STRAP: variants seen among roughly 807,000 people sequenced by gnomAD.
STRAP encodes serine/threonine kinase receptor associated protein, also known as serine-threonine kinase receptor-associated protein.
Under a neutral mutation model 47.0 loss-of-function variants are expected in STRAP, and 16 were observed. The observed-to-expected ratio is 0.34, with a 90% CI of 0.23 to 0.52. STRAP has a LOEUF of 0.52. STRAP is among the 20% of genes least tolerant of loss of function. The pLI, the probability that STRAP is intolerant of heterozygous loss-of-function variation, is 0.96. For missense variants in STRAP, 293 were observed against 420.0 expected (o/e 0.70, Z 2.64); for synonymous variants, 130 against 142.7 (o/e 0.91, Z 0.63).
At chr12:15,900,917 A>G in intron 8 of STRAP, 30 bp from the exon 9 acceptor site, 1 of 1,563,224 alleles carries the variant, frequency 6.4e-7, no homozygotes, top group Non-Finnish European at 8.6e-7. Context: ...AGTGTAAGTC[A>G]TATAATCGTC....
chr12:15,891,876 G>T (rs1197623720), intron 4 of STRAP, among the ~76,000 whole-genome samples: 1 of 152,002 alleles, frequency 6.6e-6, no homozygotes, highest in Non-Finnish European at 1.5e-5. Context: ...AACCCGGGAG[G>T]TAGAGGTTGC....
chr12:15,893,057 C>T (rs1484843714), intron 4 of STRAP, among the ~76,000 whole-genome samples: 1 of 152,158 alleles, frequency 6.6e-6, no homozygotes, highest in African/African-American at 2.4e-5. Flanking sequence ...GTAACATGCC[C>T]AAAGGTGAAA....
intron 9 of STRAP, among the ~76,000 whole-genome samples, chr12:15,901,240 T>C (rs1260727763): frequency 6.6e-6 from 1 of 152,202 alleles, no homozygotes; most frequent in African/African-American, 2.4e-5. Context: ...ACAACCGATG[T>C]GGTTACTCTT....
At chr12:15,895,886 A>G (rs923276018) in intron 6 of STRAP, among the ~76,000 whole-genome samples, 6 of 151,282 alleles carry the variant, frequency 4.0e-5, no homozygotes, top group Non-Finnish European at 8.8e-5. Context: ...AAAAAAAGCA[A>G]AAACTACTGA....
At chr12:15,901,389 G>C (rs1229319362) in intron 9 of STRAP, among the ~76,000 whole-genome samples, 1 of 152,094 alleles carries the variant, frequency 6.6e-6, no homozygotes, top group Non-Finnish European at 1.5e-5. Flanking sequence ...GTCATGAGAG[G>C]GGGTGTTGGT....
chr12:15,890,007 C>A lies in STRAP; in HGVS notation c.328C>A (p.Gln110Lys). ...KHIVKTVDFT[Q>K]DSNYLLTGGQ... ...CATTGTCAAGACTGTGGATTTCACG[C>A]AGGTATCAGAAAATGGAATTTATTT... The change falls in exon 3 of 10, where the codon CAG becomes AAG. Residue 110 changes from glutamine to lysine, a missense_variant and splice_region_variant. By Grantham distance (53) the Gln-to-Lys change is moderately conservative. Around this residue, in one of 5 missense-constraint regions of STRAP, gnomAD observed 152 missense variants for 183.0 expected, o/e 0.83. Coordinates refer to ENST00000419869, the MANE Select transcript of STRAP (RefSeq NM_007178.4). This position sits in a 1 kb window ranked among gnomAD's most constrained non-coding sequence, Gnocchi z 4.5. 1 of 1,613,116 alleles carries A rather than the reference C, an allele frequency of 6.2e-7. No individual in the cohort carries two copies. The highest frequency in any genetic ancestry group is 1.1e-5 in the South Asian group (1 of 91,028).
At position 15,900,064 on chromosome 12, in the gene STRAP, T is replaced by G. The variant is rs1948091068; in HGVS notation, c.925+11T>G. ...AATGTGTGCTTCCTGGTAAGAATTT[T>G]TATTCAGAATAATAAAATTTTTAAA... On this transcript the variant is annotated intron_variant, in intron 8 of 9. Coordinates refer to ENST00000419869, the MANE Select transcript of STRAP (RefSeq NM_007178.4). The G allele has an allele frequency of 1.3e-6, 2 of 1,596,944 alleles. No homozygotes were observed. Among genetic ancestry groups the G allele is most frequent in the Non-Finnish European group, 1.7e-6 (2 of 1,174,562 alleles).
rs546029296 is a variant in STRAP at position 15,893,555 on chromosome 12, ATTATAC to A, written c.404-485_404-480del. ...ATTATACAATAATGCTTTTATATTT[ATTATAC>A]TTATACAATTATACAATAATGCTTT... On this transcript the variant is annotated intron_variant, in intron 4 of 9. Transcript: ENST00000419869. Among the ~76,000 whole-genome samples, 556 of 147,210 alleles carry A rather than the reference ATTATAC, an allele frequency of 3.8e-3. 5 individuals carry two copies. Among genetic ancestry groups the A allele is most frequent in the African/African-American group, 0.012 (496 of 40,714 alleles).
chr12:15,888,527 CA>C (rs1027144908), intron 2 of STRAP, among the ~76,000 whole-genome samples: 1 of 152,156 alleles, frequency 6.6e-6, no homozygotes, highest in African/African-American at 2.4e-5. Context: ...TTAAATATTG[CA>C]AGCTTTGGTA....
intron 8 of STRAP, 24 bp from the exon 9 acceptor site, chr12:15,900,923 T>C (rs773625181): frequency 6.4e-7 from 1 of 1,567,198 alleles, no homozygotes; most frequent in Admixed American, 1.9e-5. Flanking sequence ...AGTCATATAA[T>C]CGTCATTGCT....
chr12:15,897,480 T>C (rs1948069763), intron 6 of STRAP, among the ~76,000 whole-genome samples: 1 of 152,170 alleles, frequency 6.6e-6, no homozygotes, highest in African/African-American at 2.4e-5. Context: ...TTATGTTAAT[T>C]ACCTACTGTG....
chr12:15,896,123 A>G lies in STRAP; in HGVS notation c.638+627A>G, dbSNP rs1187101633. 6.6e-6 allele frequency among the ~76,000 whole-genome samples: 1 copy of G among 151,840 alleles called. No homozygotes were observed. Among genetic ancestry groups the G allele is most frequent in the Non-Finnish European group, 1.5e-5 (1 of 67,946 alleles). ...GTGGTGAGTACCTGTAATCCCAGCTACTTGGGAGGCTGAGGCAGGAGAATT... is the reference window on the plus strand; with the variant it reads ...GTGGTGAGTACCTGTAATCCCAGCTGCTTGGGAGGCTGAGGCAGGAGAATT... On this transcript the variant is annotated intron_variant, in intron 6 of 9. Coordinates refer to ENST00000419869, the MANE Select transcript of STRAP (RefSeq NM_007178.4). This position sits in a 1 kb window ranked among gnomAD's most constrained non-coding sequence, Gnocchi z 4.1.
At chr12:15,888,594 C>T (rs1947990011) in intron 2 of STRAP, among the ~76,000 whole-genome samples, 1 of 152,170 alleles carries the variant, frequency 6.6e-6, no homozygotes, top group African/African-American at 2.4e-5. Context: ...CCACATTGCA[C>T]ATGCTATTAA....
intron 2 of STRAP, among the ~76,000 whole-genome samples, chr12:15,888,527 C>G (rs1420939442): frequency 6.6e-6 from 1 of 152,156 alleles, no homozygotes; most frequent in African/African-American, 2.4e-5. Context: ...TTAAATATTG[C>G]AAGCTTTGGT....
In STRAP at chr12:15,895,333, A is replaced by G. The variant is rs766553792; in HGVS notation, c.501-26A>G. The G allele has an allele frequency of 4.0e-6, 6 of 1,496,376 alleles. No individual in the cohort carries two copies. In the Admixed American group the frequency reaches 1.5e-4, roughly 38 times the overall value. 92.7% of individuals were successfully genotyped at this position (1,496,376 alleles called of 1,614,324 possible). On this transcript the variant is annotated intron_variant, in intron 5 of 9. Transcript: ENST00000419869. Reference sequence around the variant, plus strand: ...AAACTTTTTTCTTACATGAGTAAACATCATATTTTTATCTTTATTTTGCAG... The same window carrying G: ...AAACTTTTTTCTTACATGAGTAAACGTCATATTTTTATCTTTATTTTGCAG...
At chr12:15,883,193 G>A (rs758066422) in intron 1 of STRAP, 5 of 1,460,862 alleles carry the variant, frequency 3.4e-6, no homozygotes, top group African/African-American at 1.4e-5. Context: ...AAAGACGTTC[G>A]CTCTTGTCTC....
At position 15,887,387 on chromosome 12, in the gene STRAP, T is replaced by C. The variant is rs978481006; in HGVS notation, c.249-2541T>C. ...GGATGTGAAGAAAATGTTGGAGGGT[T>C]AGCTGCTGAAAGGGTATTGTTAATA... On this transcript the variant is annotated intron_variant, in intron 2 of 9. Coordinates refer to ENST00000419869, the MANE Select transcript of STRAP (RefSeq NM_007178.4). The surrounding 1 kb of genome is among the most constrained non-coding windows in gnomAD (Gnocchi z 5.5). Among the ~76,000 whole-genome samples the C allele has an allele frequency of 6.6e-6, 1 of 152,190 alleles. No homozygotes were observed. The highest frequency in any genetic ancestry group is 1.5e-5 in the Non-Finnish European group (1 of 68,018).
At chr12:15,885,428 A>T (rs900018888) in intron 2 of STRAP, among the ~76,000 whole-genome samples, 1 of 149,440 alleles carries the variant, frequency 6.7e-6, no homozygotes, top group African/African-American at 2.5e-5. Context: ...ACCTCAAGTG[A>T]TCTGCCCGCC....
At chr12:15,899,543 G>A (rs4265639) in intron 7 of STRAP, among the ~76,000 whole-genome samples, 13,465 of 152,214 alleles carry the variant, frequency 0.088, 1,968 homozygotes, top group African/African-American at 0.3. Context: ...TAGGCAGTGA[G>A]TTTTAGGATA....
Sources: gnomAD v4.1 joint callset for allele counts (sites outside exome capture counted in the v4.1 genomes callset) on GRCh38, gnomAD v4.1.1 for gene constraint, gnomAD v4.1.1 regional missense constraint, Gnocchi (gnomAD v3.1) non-coding constraint, MANE v1.5 for transcripts, NCBI Gene and HGNC (gene_info 2026-07-23, HGNC 2026-07-21) for gene names.